SASH1: variants seen among roughly 807,000 people sequenced by gnomAD.
SASH1 encodes SAM and SH3 domain-containing protein 1.
In SASH1, 44 loss-of-function variants were observed where a neutral mutation model predicts 125.2. The ratio of observed to expected loss-of-function variants is 0.35; its 90% CI spans 0.28 to 0.45. The LOEUF is 0.45. Ranked by LOEUF, SASH1 falls within the 20% of genes least tolerant of loss-of-function variation. SASH1 has a pLI of 1.00. For missense variants in SASH1, 1,426 were observed against 1,614.5 expected (o/e 0.88, Z 2.00); for synonymous variants, 639 against 649.1 (o/e 0.98, Z 0.24).
intron 2 of SASH1, among the ~76,000 whole-genome samples, chr6:148,402,133 A>G (rs1183307955): frequency 6.6e-6 from 1 of 152,232 alleles, no homozygotes; most frequent in African/African-American, 2.4e-5. Context: ...TGTGATAATT[A>G]TCAATTAAGC....
rs1782777097 is a variant in SASH1, at chr6:148,549,626, T to C, written c.*1068T>C. ...AAGATGTCCTTAATAAGGGAAGTCA[T>C]GTATAAGATGTTTTCTAAAAGACTT... On this transcript the variant is annotated 3_prime_UTR_variant, in exon 20 of 20. Transcript: ENST00000367467. 5.0e-6 allele frequency: 2 copies of C among 398,916 alleles called. No individual in the cohort carries two copies. The highest frequency in any genetic ancestry group is 4.4e-5 in the Admixed American group (1 of 22,716). The allele number at this position is 398,916 out of a possible 1,614,324, so 24.7% of individuals were successfully genotyped here.
intron 2 of SASH1, among the ~76,000 whole-genome samples, chr6:148,434,119 C>A (rs1463881123): frequency 7.9e-6 from 1 of 126,220 alleles, no homozygotes; most frequent in Non-Finnish European, 1.6e-5. Flanking sequence ...CACTGTCCCC[C>A]AGGCTGGAGT....
chr6:148,303,205 C>T (rs1281427072), intron 1 of SASH1, among the ~76,000 whole-genome samples: 4 of 152,112 alleles, frequency 2.6e-5, no homozygotes, highest in African/African-American at 9.6e-5. Flanking sequence ...GTCTCAAACT[C>T]CTGACCTCAG....
chr6:148,214,181 C>CA, the SASH1 span, among the ~76,000 whole-genome samples: 1 of 152,132 alleles, frequency 6.6e-6, no homozygotes, highest in Non-Finnish European at 1.5e-5. Context: ...TCGCTCCTGA[C>CA]ACTGGACTGA....
intron 2 of SASH1, among the ~76,000 whole-genome samples, chr6:148,422,245 C>T (rs879637534): frequency 5.9e-5 from 9 of 152,184 alleles, no homozygotes; most frequent in Non-Finnish European, 1.2e-4. Flanking sequence ...CAGAACCATG[C>T]GGGGTCCAAG....
chr6:148,525,222 C>A, intron 10 of SASH1, 69 bp from the exon 11 acceptor site: 1 of 1,101,784 alleles, frequency 9.1e-7, no homozygotes, highest in Non-Finnish European at 1.4e-6. Context: ...ACGGGGACTG[C>A]TGGGTTGGTG....
intron 7 of SASH1, among the ~76,000 whole-genome samples, chr6:148,483,192 A>C (rs1778704665): frequency 1.3e-5 from 2 of 152,154 alleles, no homozygotes; most frequent in South Asian, 4.1e-4. Context: ...GGCTGCTTCC[A>C]CTTATGGTGG....
At chr6:148,200,239 G>T in the SASH1 span, among the ~76,000 whole-genome samples, 1 of 152,214 alleles carries the variant, frequency 6.6e-6, no homozygotes, top group Non-Finnish European at 1.5e-5. Flanking sequence ...AAATATTCAT[G>T]TATATTTTCC....
intron 9 of SASH1, among the ~76,000 whole-genome samples, chr6:148,515,354 A>G (rs893438145): frequency 6.6e-6 from 1 of 152,198 alleles, no homozygotes; most frequent in Non-Finnish European, 1.5e-5. Flanking sequence ...ATTTTTGTAG[A>G]GGCATTTTTG....
intron 7 of SASH1, chr6:148,479,044 A>C (rs1193263017): frequency 8.0e-6 from 1 of 125,120 alleles, no homozygotes; most frequent in Admixed American, 8.5e-5. Context: ...AGACTGCACT[A>C]CTTTTTTTTT....
At chr6:148,450,539 C>T (rs1777046505) in intron 4 of SASH1, among the ~76,000 whole-genome samples, 1 of 152,018 alleles carries the variant, frequency 6.6e-6, no homozygotes, top group Non-Finnish European at 1.5e-5. Context: ...CTCTCCTCTC[C>T]TTGGACTCTA....
At chr6:148,209,385 C>T in the SASH1 span, among the ~76,000 whole-genome samples, 2 of 152,142 alleles carry the variant, frequency 1.3e-5, no homozygotes, top group Non-Finnish European at 2.9e-5. Context: ...GACTGCGTAC[C>T]TCTACTCAGG....
chr6:148,339,392 T>C (rs1325970095), upstream of SASH1, among the ~76,000 whole-genome samples: 1 of 151,612 alleles, frequency 6.6e-6, no homozygotes, highest in Admixed American at 6.6e-5. Context: ...CCCAAAACAT[T>C]ATCTCATTTC....
chr6:148,368,769 C>T (rs796102516), intron 1 of SASH1, among the ~76,000 whole-genome samples: 3 of 59,342 alleles, frequency 5.1e-5, no homozygotes, highest in Admixed American at 1.7e-4. Flanking sequence ...CGCACGCGCG[C>T]GCACACACAC....
intron 4 of SASH1, among the ~76,000 whole-genome samples, chr6:148,447,908 C>G (rs947382802): frequency 6.6e-6 from 1 of 152,110 alleles, no homozygotes; most frequent in African/African-American, 2.4e-5. Flanking sequence ...GCTCCTTCAG[C>G]GGGATACTCT....
the SASH1 span, among the ~76,000 whole-genome samples, chr6:148,264,604 A>G: frequency 1.2e-4 from 18 of 152,288 alleles, no homozygotes; most frequent in East Asian, 3.3e-3. Flanking sequence ...GCCTCTTGTC[A>G]TGTTGTCCAC....
At chr6:148,356,971 G>A (rs760958800) in intron 1 of SASH1, among the ~76,000 whole-genome samples, 5 of 152,058 alleles carry the variant, frequency 3.3e-5, no homozygotes, top group Non-Finnish European at 7.4e-5. Context: ...TTTGTTGGCC[G>A]TTTGTATATC....
intron 1 of SASH1, among the ~76,000 whole-genome samples, chr6:148,316,403 G>A (rs1022569411): frequency 6.6e-6 from 1 of 152,194 alleles, no homozygotes. Context: ...GACAGGATAT[G>A]ATGATAATAG....
chr6:148,362,616 GA>G (rs1782281807), intron 1 of SASH1, among the ~76,000 whole-genome samples: 1 of 151,730 alleles, frequency 6.6e-6, no homozygotes, highest in Admixed American at 6.6e-5. Context: ...GGAGGCTTAG[GA>G]ATGCTTTCCA....
Sources: allele counts gnomAD v4.1 joint callset (sites outside exome capture counted in the v4.1 genomes callset), GRCh38; gene constraint gnomAD v4.1.1; transcripts MANE v1.5; gene names NCBI Gene and HGNC (gene_info 2026-07-23, HGNC 2026-07-21).